MCHR2: variants seen among roughly 807,000 people sequenced by gnomAD.
MCHR2 encodes melanin concentrating hormone receptor 2, also known as melanin-concentrating hormone receptor 2.
Under a neutral mutation model 24.8 loss-of-function variants are expected in MCHR2, and 15 were observed. The observed-to-expected ratio is 0.60, with a 90% CI of 0.40 to 0.93. The LOEUF (loss-of-function observed/expected upper bound fraction) is 0.93, where lower values mean the gene tolerates loss of function less well. Ranked by LOEUF, MCHR2 falls within the 40% of genes least tolerant of loss-of-function variation. The pLI, the probability that MCHR2 is intolerant of heterozygous loss-of-function variation, is 0.00. For synonymous variants in MCHR2, 151 were observed against 147.6 expected (o/e 1.02, Z -0.17); for missense variants, 386 against 408.7 (o/e 0.94, Z 0.48).
At chr6:99,931,749 C>T (rs952367878) in intron 5 of MCHR2, among the ~76,000 whole-genome samples, 1 of 152,184 alleles carries the variant, frequency 6.6e-6, no homozygotes, top group African/African-American at 2.4e-5. Context: ...TCACCCCTTT[C>T]TTTGACTAGG....
intron 1 of MCHR2, among the ~76,000 whole-genome samples, chr6:99,988,923 C>T (rs1355790733): frequency 6.6e-6 from 1 of 152,062 alleles, no homozygotes; most frequent in African/African-American, 2.4e-5. Flanking sequence ...TTATTTATGA[C>T]TAATGTTAGC....
intron 1 of MCHR2, among the ~76,000 whole-genome samples, chr6:99,969,627 T>C (rs1775360850): frequency 6.6e-6 from 1 of 151,852 alleles, no homozygotes; most frequent in Admixed American, 6.6e-5. Context: ...TGCAGGTCTG[T>C]TACATATGTA....
rs904909725 is a variant in MCHR2 at position 99,947,822 on chromosome 6, G to A, written c.332C>T (p.Ser111Phe). The change falls in exon 3 of 6, where the codon TCC (serine) becomes TTC (phenylalanine). Residue 111 changes from serine (S) to phenylalanine (F), a missense_variant. Transcript: ENST00000281806. ...FGGPLCTIIT[S>F]LDTCNQFACS... ...GGCAAATTGGTTACAAGTATCCAGG[G>A]ATGTGATGATGGTGCAGAGAGGCCC... The A allele has an allele frequency of 8.7e-6, 14 of 1,613,686 alleles. No homozygotes were observed. The highest frequency in any genetic ancestry group is 8.0e-5 in the African/African-American group (6 of 74,888).
chr6:99,959,550 T>C (rs1237816993), intron 1 of MCHR2, among the ~76,000 whole-genome samples: 1 of 146,636 alleles, frequency 6.8e-6, no homozygotes, highest in Non-Finnish European at 1.5e-5. Context: ...AACAGTTAGA[T>C]ACTAATTACC....
At chr6:99,931,613 G>T (rs1774542000) in intron 5 of MCHR2, among the ~76,000 whole-genome samples, 1 of 152,142 alleles carries the variant, frequency 6.6e-6, no homozygotes, top group South Asian at 2.1e-4. Flanking sequence ...CAATTAGCGA[G>T]ACTCTGTGGG....
At chr6:99,949,110 G>T (rs1486433199) in intron 2 of MCHR2, among the ~76,000 whole-genome samples, 1 of 152,162 alleles carries the variant, frequency 6.6e-6, no homozygotes, top group Admixed American at 6.6e-5. Flanking sequence ...TCAATAATAA[G>T]CAGGTATCAT....
intron 5 of MCHR2, among the ~76,000 whole-genome samples, chr6:99,932,228 A>T (rs1300891524): frequency 6.6e-6 from 1 of 152,192 alleles, no homozygotes; most frequent in Non-Finnish European, 1.5e-5. Flanking sequence ...ACATTTTGAG[A>T]GACCAAATAA....
chr6:99,956,285 T>C, intron 1 of MCHR2, 111 bp from the exon 2 acceptor site: 1 of 733,438 alleles, frequency 1.4e-6, no homozygotes, highest in African/African-American at 1.8e-5. Context: ...CAAGATTCCA[T>C]GGAACACAGG....
chr6:99,960,753 G>A (rs1007672283), intron 1 of MCHR2, among the ~76,000 whole-genome samples: 1 of 152,158 alleles, frequency 6.6e-6, no homozygotes, highest in Non-Finnish European at 1.5e-5. Context: ...TTAATAAATG[G>A]TGTTGGGAAA....
intron 4 of MCHR2, among the ~76,000 whole-genome samples, chr6:99,936,328 T>G (rs1240203003): frequency 6.6e-6 from 1 of 152,042 alleles, no homozygotes; most frequent in African/African-American, 2.4e-5. Context: ...TTTTCATAGG[T>G]TCAAGTCTTA....
chr6:99,940,575 G>A (rs183181713), intron 4 of MCHR2, among the ~76,000 whole-genome samples: 278 of 152,226 alleles, frequency 1.8e-3, no homozygotes, highest in Non-Finnish European at 3.2e-3. Flanking sequence ...TCTCATTAGG[G>A]TCAGTTACTG....
At chr6:99,924,888 G>T (rs1241618785) in intron 5 of MCHR2, among the ~76,000 whole-genome samples, 1 of 152,094 alleles carries the variant, frequency 6.6e-6, no homozygotes, top group Non-Finnish European at 1.5e-5. Context: ...CATTGGATGA[G>T]ATGTCCTGTA....
At chr6:99,946,375 C>T (rs757485451) in intron 3 of MCHR2, among the ~76,000 whole-genome samples, 19 of 152,154 alleles carry the variant, frequency 1.2e-4, no homozygotes, top group Non-Finnish European at 2.4e-4. Flanking sequence ...CATTATTATT[C>T]GTTCTTGTCA....
intron 5 of MCHR2, among the ~76,000 whole-genome samples, chr6:99,926,411 C>T (rs1357962947): frequency 6.6e-6 from 1 of 152,196 alleles, no homozygotes; most frequent in Non-Finnish European, 1.5e-5. Context: ...AATCGCCACA[C>T]TGACTTCCAC....
At chr6:99,956,999 C>G (rs1404232097) in intron 1 of MCHR2, among the ~76,000 whole-genome samples, 1 of 151,614 alleles carries the variant, frequency 6.6e-6, no homozygotes, top group Non-Finnish European at 1.5e-5. Context: ...TGTGTGTATA[C>G]AGCAACTTAA....
At chr6:99,970,628 T>C (rs1430612942) in intron 1 of MCHR2, among the ~76,000 whole-genome samples, 1 of 152,206 alleles carries the variant, frequency 6.6e-6, no homozygotes, top group Admixed American at 6.5e-5. Context: ...AGACATGAAG[T>C]CCTTGCCCAT....
chr6:99,928,799 A>C (rs1420770614), intron 5 of MCHR2, among the ~76,000 whole-genome samples: 6 of 152,000 alleles, frequency 3.9e-5, no homozygotes, highest in Admixed American at 6.6e-5. Flanking sequence ...CTCCTGGATT[A>C]ATTAATTCTT....
At position 99,975,727 on chromosome 6, in the gene MCHR2, C is replaced by T. The variant is rs771300304; in HGVS notation, c.-28+18209G>A. ...AGCCATCTTGGCTCCTGAGTAAAGT[C>T]GGGAATGTATTTTAAACATACTCAC... On this transcript the variant is annotated intron_variant, in intron 1 of 5. Transcript: ENST00000281806. Among the ~76,000 whole-genome samples, 13 of 152,156 alleles carry T rather than the reference C, an allele frequency of 8.5e-5. 1 individual carries two copies. The East Asian group carries it at 2.3e-3, about 27-fold the overall frequency.
intron 4 of MCHR2, among the ~76,000 whole-genome samples, chr6:99,937,641 C>T (rs539834992): frequency 4.6e-5 from 7 of 151,602 alleles, no homozygotes; most frequent in Admixed American, 6.6e-5. Context: ...CATCTATGCT[C>T]ATCAGTAATA....
Sources: gnomAD v4.1 joint callset for allele counts (sites outside exome capture counted in the v4.1 genomes callset) on GRCh38, gnomAD v4.1.1 for gene constraint, MANE v1.5 for transcripts, NCBI Gene and HGNC (gene_info 2026-07-23, HGNC 2026-07-21) for gene names.